The following ZFYVE26 variants were observed in gnomAD, a reference collection of about 807,000 sequenced individuals.
The protein encoded by ZFYVE26 is zinc finger FYVE-type containing 26.
Under a neutral mutation model 276.5 loss-of-function variants are expected in ZFYVE26, and 181 were observed. The ratio of observed to expected loss-of-function variants is 0.65; its 90% CI spans 0.58 to 0.74. The LOEUF is 0.74. Among genes scored for constraint, ZFYVE26 ranks in the 30% least tolerant of loss-of-function variants. The pLI is 0.00. For missense variants in ZFYVE26, 2,821 were observed against 3,097.9 expected, an observed-to-expected ratio of 0.91 and a Z score of 2.12; for synonymous variants, 1,129 against 1,203.1, an observed-to-expected ratio of 0.94 and a Z score of 1.27.
chr14:67,809,117 A>T (rs2040240717), intron 4 of ZFYVE26, 83 bp downstream of exon 4: 4 of 1,152,500 alleles, frequency 3.5e-6, no homozygotes, highest in Non-Finnish European at 5.2e-6. Flanking sequence ...CATCTTGGAG[A>T]CCTCTCTCTT....
At chr14:67,812,856 T>C (rs1000659267) in intron 3 of ZFYVE26, among the ~76,000 whole-genome samples, 1 of 152,232 alleles carries the variant, frequency 6.6e-6, no homozygotes, top group Non-Finnish European at 1.5e-5. Flanking sequence ...CTATAGTAAC[T>C]ATAGGTTACT....
chr14:67,775,798 A>C (rs1034801249), intron 26 of ZFYVE26, 62 bp downstream of exon 26: 1 of 1,612,382 alleles, frequency 6.2e-7, no homozygotes, highest in Non-Finnish European at 8.5e-7. Flanking sequence ...AATTAAAACT[A>C]AGAATGCAGC....
At chr14:67,741,157 C>T (rs2038411905) in intron 13 of ZFYVE26, among the ~76,000 whole-genome samples, 2 of 152,172 alleles carry the variant, frequency 1.3e-5, no homozygotes, top group South Asian at 4.1e-4. Flanking sequence ...TGCTCAGAAG[C>T]AGAAGCATAA....
chr14:67,745,161 C>T (rs1403158537), downstream of ZFYVE26, among the ~76,000 whole-genome samples: 3 of 152,128 alleles, frequency 2.0e-5, no homozygotes, highest in South Asian at 4.1e-4. Flanking sequence ...TCTCTAATAA[C>T]GAGTGATGAT....
At chr14:67,789,288 C>T (rs1033018337) in intron 16 of ZFYVE26, 47 bp downstream of exon 16, 2 of 1,611,748 alleles carry the variant, frequency 1.2e-6, no homozygotes, top group African/African-American at 2.7e-5. Context: ...TCTCAGAAAC[C>T]CATCTCATTT....
chr14:67,782,697 C>A, intron 21 of ZFYVE26, 83 bp downstream of exon 21: 1 of 1,584,932 alleles, frequency 6.3e-7, no homozygotes, highest in Non-Finnish European at 8.6e-7. Context: ...CTAGAGTTAC[C>A]GTGAGGATTA....
At chr14:67,774,845 T>C (rs1395251253) in intron 27 of ZFYVE26, among the ~76,000 whole-genome samples, 171 bp downstream of exon 27, 1 of 151,942 alleles carries the variant, frequency 6.6e-6, no homozygotes, top group Non-Finnish European at 1.5e-5. Context: ...GTTGACTGTA[T>C]GTTGAATCTT....
chr14:67,756,776 A>G (rs2038790107), intron 35 of ZFYVE26, among the ~76,000 whole-genome samples: 1 of 152,106 alleles, frequency 6.6e-6, no homozygotes, highest in Non-Finnish European at 1.5e-5. Context: ...TGTTTAATAT[A>G]CTGTTGATTT....
chr14:67,812,079 A>G (rs2040314120), intron 3 of ZFYVE26, among the ~76,000 whole-genome samples: 1 of 151,926 alleles, frequency 6.6e-6, no homozygotes, highest in Admixed American at 6.6e-5. Context: ...ATGTATACCA[A>G]ATGTACTTTT....
chr14:67,777,526 A>G, intron 25 of ZFYVE26, 33 bp downstream of exon 25: 1 of 1,612,236 alleles, frequency 6.2e-7, no homozygotes, highest in South Asian at 1.1e-5. Flanking sequence ...TGGATCCCAC[A>G]TACAGCGCCT....
intron 5 of ZFYVE26, 121 bp from the exon 6 acceptor site, chr14:67,806,796 C>T: frequency 2.5e-6 from 3 of 1,186,804 alleles, no homozygotes; most frequent in East Asian, 2.4e-5. Context: ...CTGGGTTTTC[C>T]ATACTTTATC....
chr14:67,754,038 T>C (rs1352842374), intron 38 of ZFYVE26, 33 bp downstream of exon 38: 12 of 1,613,868 alleles, frequency 7.4e-6, no homozygotes, highest in Middle Eastern at 1.6e-4. Flanking sequence ...AAGATGACAA[T>C]AGTCTGCCAG....
chr14:67,750,296 C>T (rs1175698927), intron 41 of ZFYVE26, among the ~76,000 whole-genome samples: 1 of 152,158 alleles, frequency 6.6e-6, no homozygotes, highest in Non-Finnish European at 1.5e-5. Flanking sequence ...AGTTCAGTCC[C>T]AGGATTAGCA....
At chr14:67,729,398 G>C in exon 14 of ZFYVE26, 3 of 1,595,770 alleles carry the variant, frequency 1.9e-6, no homozygotes, top group Non-Finnish European at 2.5e-6. Flanking sequence ...AAGGCAATGC[G>C]GTTCTCTCCA....
At chr14:67,744,533 C>T (rs1283765274), downstream of ZFYVE26, among the ~76,000 whole-genome samples, 1 of 152,192 alleles carries the variant, frequency 6.6e-6, no homozygotes, top group Non-Finnish European at 1.5e-5. Flanking sequence ...GCCCTGCACG[C>T]ATTAGGTATT....
chr14:67,799,579 A>T (rs375914361), intron 10 of ZFYVE26: 4 of 1,499,972 alleles, frequency 2.7e-6, no homozygotes, highest in Non-Finnish European at 3.7e-6. Flanking sequence ...GAGGAGGGAA[A>T]AAATCTGCTC....
Position 67,785,979 on chromosome 14 carries a change from GA to G in ZFYVE26, c.3182del (p.Ile1061ThrfsTer12), listed in dbSNP as rs1257825464. On this transcript the variant is annotated frameshift_variant, in exon 18 of 42. Transcript: ENST00000347230. LOFTEE classifies it high-confidence loss of function. ...EKGGGPPRCS[I>X]TELLQMCWPS... ...GCCAGCACATCTGAAGCAGTTCAGT[GA>G]TGCTGCACCGTGGAGGGCCTCCTCC... 2 of 1,614,230 alleles carry G rather than the reference GA, an allele frequency of 1.2e-6. No individual in the cohort carries two copies. The highest frequency in any genetic ancestry group is 3.3e-5 in the Admixed American group (2 of 60,024).
intron 2 of ZFYVE26, among the ~76,000 whole-genome samples, chr14:67,814,467 C>T (rs1341669970): frequency 6.6e-6 from 1 of 152,058 alleles, no homozygotes; most frequent in African/African-American, 2.4e-5. Flanking sequence ...TGCAGTGAGC[C>T]TAGATCATGC....
chr14:67,805,671 G>A, intron 6 of ZFYVE26, 53 bp from the exon 7 acceptor site: 1 of 1,585,820 alleles, frequency 6.3e-7, no homozygotes, highest in Non-Finnish European at 8.6e-7. Context: ...GACAGAATGG[G>A]TTCTAGCTTA....
Sources: gnomAD v4.1 joint callset for allele counts (sites outside exome capture counted in the v4.1 genomes callset) on GRCh38, gnomAD v4.1.1 for gene constraint, MANE v1.5 for transcripts, NCBI Gene and HGNC (gene_info 2026-07-23, HGNC 2026-07-21) for gene names.